DROSHA: variants seen among roughly 807,000 people sequenced by gnomAD.
DROSHA encodes the protein ribonuclease 3.
DROSHA carries 56 observed loss-of-function variants against 181.9 expected under a neutral mutation model. The observed-to-expected ratio is 0.31, with a 90% CI of 0.25 to 0.38. The LOEUF is 0.38. DROSHA is among the 10% of genes least tolerant of loss of function. DROSHA has a pLI of 1.00. For missense variants in DROSHA, 1,218 were observed against 1,743.5 expected (o/e 0.70, Z 5.37); for synonymous variants, 524 against 591.2 (o/e 0.89, Z 1.65).
At chr5:31,473,562 TC>T (rs906312506) in intron 16 of DROSHA, among the ~76,000 whole-genome samples, 14 of 152,296 alleles carry the variant, frequency 9.2e-5, no homozygotes, top group African/African-American at 3.1e-4. Context: ...AGCCTTGCCT[TC>T]CTGAAGCTTC....
At chr5:31,508,112 C>T (rs907327945) in intron 10 of DROSHA, among the ~76,000 whole-genome samples, 4 of 151,936 alleles carry the variant, frequency 2.6e-5, no homozygotes, top group African/African-American at 9.7e-5. Context: ...TTTAACAATG[C>T]TAATTTTATT....
chr5:31,453,052 G>C (rs6450844), intron 20 of DROSHA, among the ~76,000 whole-genome samples: 4,089 of 152,248 alleles, frequency 0.027, 178 homozygotes, highest in African/African-American at 0.094. Flanking sequence ...CATGGGTTAG[G>C]ACATGAAGAC....
At chr5:31,485,757 G>A (rs1213837724) in intron 14 of DROSHA, among the ~76,000 whole-genome samples, 1 of 151,858 alleles carries the variant, frequency 6.6e-6, no homozygotes, top group Non-Finnish European at 1.5e-5. Context: ...TGCCAACTAG[G>A]CACACATGTG....
intron 21 of DROSHA, among the ~76,000 whole-genome samples, chr5:31,449,810 T>G (rs765325598): frequency 6.6e-6 from 1 of 152,088 alleles, no homozygotes; most frequent in East Asian, 1.9e-4. Flanking sequence ...GAGCTGTCTA[T>G]CCAGTTGAAT....
chr5:31,528,981 C>T, intron 4 of DROSHA, 59 bp downstream of exon 4: 8 of 1,603,458 alleles, frequency 5.0e-6, no homozygotes, highest in Non-Finnish European at 6.8e-6. Context: ...AGCCCAGCAC[C>T]AATGTCTGCT....
At chr5:31,531,220 T>G (rs965573656) in intron 2 of DROSHA, among the ~76,000 whole-genome samples, 2 of 152,104 alleles carry the variant, frequency 1.3e-5, no homozygotes, top group African/African-American at 2.4e-5. Context: ...TGTGCAGGGC[T>G]TAGGGGAACA....
chr5:31,433,115 A>G (rs771290753), intron 25 of DROSHA, among the ~76,000 whole-genome samples: 1 of 152,208 alleles, frequency 6.6e-6, no homozygotes, highest in Non-Finnish European at 1.5e-5. Context: ...TCCTCAGACA[A>G]AAGACATAGA....
intron 13 of DROSHA, among the ~76,000 whole-genome samples, chr5:31,487,190 C>T (rs990185228): frequency 6.6e-6 from 1 of 152,182 alleles, no homozygotes; most frequent in African/African-American, 2.4e-5. Context: ...GTCCACTGAA[C>T]AGTGCAGGAA....
chr5:31,491,150 A>G (rs6884598), intron 13 of DROSHA, among the ~76,000 whole-genome samples: 16,445 of 151,260 alleles, frequency 0.11, 1,175 homozygotes, highest in East Asian at 0.22. Flanking sequence ...CATTGCTATC[A>G]TTAATGAAGT....
At chr5:31,530,027 A>G (rs1329440956) in intron 3 of DROSHA, among the ~76,000 whole-genome samples, 1 of 152,252 alleles carries the variant, frequency 6.6e-6, no homozygotes, top group Non-Finnish European at 1.5e-5. Flanking sequence ...TCTCATCAAT[A>G]GAACTTTACT....
At chr5:31,503,074 G>A (rs1467731793) in intron 11 of DROSHA, among the ~76,000 whole-genome samples, 1 of 152,060 alleles carries the variant, frequency 6.6e-6, no homozygotes, top group East Asian at 1.9e-4. Context: ...ACACATGGAG[G>A]TCCATCAGAC....
At chr5:31,521,004 G>T in intron 6 of DROSHA, 119 bp downstream of exon 6, 1 of 866,726 alleles carries the variant, frequency 1.2e-6, no homozygotes, top group Non-Finnish European at 1.8e-6. Context: ...CTTTTCACAG[G>T]TCATCTTGGA....
intron 20 of DROSHA, among the ~76,000 whole-genome samples, chr5:31,463,063 C>G (rs1748582629): frequency 6.6e-6 from 1 of 152,058 alleles, no homozygotes; most frequent in African/African-American, 2.4e-5. Context: ...TGGGGAAACA[C>G]TGACAAACAG....
intron 33 of DROSHA, chr5:31,408,811 TCA>T (rs1276369088): frequency 2.5e-6 from 1 of 393,950 alleles, no homozygotes; most frequent in African/African-American, 2.0e-5. Context: ...AGGCAGTAGT[TCA>T]CAGAGATTTT....
chr5:31,526,537 G>T lies in DROSHA; in HGVS notation c.396C>A (p.Val132=). ...TGCCTTGTCCAGGAGGTGCCCCAGG[G>T]ACTGGGGGGTTATTAGGACAAGGCA... ...PPMPCPNNPP[V]PGAPPGQGTF... Residue 132 remains valine (V), a synonymous_variant, in exon 5 of 36, where the codon GTC becomes GTA. Transcript: ENST00000344624. 1 of 1,557,194 alleles carries T rather than the reference G, an allele frequency of 6.4e-7. No individual in the cohort carries two copies. The highest frequency in any genetic ancestry group is 1.2e-5 in the South Asian group (1 of 81,376).
At chr5:31,483,964 CTA>C (rs1169860059) in intron 15 of DROSHA, among the ~76,000 whole-genome samples, 2 of 151,700 alleles carry the variant, frequency 1.3e-5, no homozygotes, top group East Asian at 1.9e-4. Flanking sequence ...TATAATGTGA[CTA>C]TGTGTTCATT....
chr5:31,473,054 A>G (rs1346472253), intron 16 of DROSHA, among the ~76,000 whole-genome samples: 2 of 152,218 alleles, frequency 1.3e-5, no homozygotes, highest in African/African-American at 2.4e-5. Flanking sequence ...TTCTTTGCCT[A>G]CACCCAACCA....
Position 31,515,139 on chromosome 5 carries a change from T to G in DROSHA, c.1139A>C (p.Lys380Thr). 1 of 1,613,996 alleles carries G rather than the reference T, an allele frequency of 6.2e-7. No homozygotes were observed. Among genetic ancestry groups the G allele is most frequent in the Non-Finnish European group, 8.5e-7 (1 of 1,179,890 alleles). Residue 380 changes from lysine (K) to threonine (T), a missense_variant, in exon 8 of 36, where the codon AAA becomes ACA. Coordinates refer to ENST00000344624, the MANE Select transcript of DROSHA (RefSeq NM_001382508.1). ...DRWSDNQSSG[K>T]DKNYTSIKEK... ...CTTGATTGAGGTATAGTTCTTGTCT[T>G]TGCCAGAACTCTGGTTGTCACTCCA...
chr5:31,461,186 C>A (rs547638573), intron 20 of DROSHA, among the ~76,000 whole-genome samples: 2 of 152,092 alleles, frequency 1.3e-5, no homozygotes, highest in Non-Finnish European at 2.9e-5. Context: ...TATCTGATTT[C>A]TTTACAACAA....
Sources: allele counts gnomAD v4.1 joint callset (sites outside exome capture counted in the v4.1 genomes callset), GRCh38; gene constraint gnomAD v4.1.1; transcripts MANE v1.5; gene names NCBI Gene and HGNC (gene_info 2026-07-23, HGNC 2026-07-21).